RANBP2: variants seen among roughly 807,000 people sequenced by gnomAD.
RANBP2 encodes E3 SUMO-protein ligase RanBP2.
RANBP2 carries 57 observed loss-of-function variants against 303.6 expected under a neutral mutation model. The ratio of observed to expected loss-of-function variants is 0.19; its 90% CI spans 0.15 to 0.23. RANBP2 has a LOEUF of 0.23. RANBP2 is among the 10% of genes least tolerant of loss of function. The pLI is 1.00. For missense variants in RANBP2, 3,138 were observed against 3,780.8 expected, an observed-to-expected ratio of 0.83 and a Z score of 4.46; for synonymous variants, 1,167 against 1,301.5, an observed-to-expected ratio of 0.90 and a Z score of 2.23.
chr2:109,073,764 A>G, the RANBP2 span, among the ~76,000 whole-genome samples: 1 of 150,814 alleles, frequency 6.6e-6, no homozygotes, highest in African/African-American at 2.4e-5. Flanking sequence ...GCAGATCTAC[A>G]TATGCATTAT....
At chr2:109,609,615 CAAAAA>C in the RANBP2 span, among the ~76,000 whole-genome samples, 1 of 97,968 alleles carries the variant, frequency 1.0e-5, no homozygotes, top group African/African-American at 3.9e-5. Context: ...GACTCCGCCT[CAAAAA>C]AAAAAAAAAA....
chr2:109,500,652 T>C, the RANBP2 span, among the ~76,000 whole-genome samples: 1 of 152,130 alleles, frequency 6.6e-6, no homozygotes, highest in Non-Finnish European at 1.5e-5. Context: ...TGGAGCACAT[T>C]TAAAAATAAG....
At chr2:108,938,291 A>G in the RANBP2 span, among the ~76,000 whole-genome samples, 2 of 152,244 alleles carry the variant, frequency 1.3e-5, no homozygotes, top group African/African-American at 4.8e-5. Context: ...GCCTAAAAAC[A>G]TTTCTGAACA....
chr2:108,760,214 C>G (rs1558914551), intron 18 of RANBP2, among the ~76,000 whole-genome samples: 1 of 152,178 alleles, frequency 6.6e-6, no homozygotes, highest in Non-Finnish European at 1.5e-5. Context: ...AAACTAAAAG[C>G]TAACCACCTT....
chr2:109,499,344 G>A, the RANBP2 span, among the ~76,000 whole-genome samples: 2 of 152,228 alleles, frequency 1.3e-5, no homozygotes, highest in South Asian at 4.1e-4. Context: ...CGTCAGCCAG[G>A]GGTTTTTAGG....
At chr2:109,728,034 C>T in the RANBP2 span, among the ~76,000 whole-genome samples, 1 of 152,150 alleles carries the variant, frequency 6.6e-6, no homozygotes, top group Non-Finnish European at 1.5e-5. Context: ...CAAGGCCAAG[C>T]CATGAACCTA....
chr2:109,449,084 C>T, the RANBP2 span: 1 of 1,463,510 alleles, frequency 6.8e-7, no homozygotes, highest in Non-Finnish European at 9.2e-7. Flanking sequence ...GAGAAGGGAG[C>T]CTGAGTGTGC....
the RANBP2 span, chr2:108,931,068 T>C: frequency 6.3e-7 from 1 of 1,583,772 alleles, no homozygotes; most frequent in Non-Finnish European, 8.7e-7. Context: ...GCACTGGCGG[T>C]AGCACCCCAG....
the RANBP2 span, chr2:108,931,073 C>T: frequency 1.3e-6 from 2 of 1,566,010 alleles, no homozygotes; most frequent in South Asian, 2.2e-5. Flanking sequence ...GGCGGTAGCA[C>T]CCCAGCCGGG....
the RANBP2 span, chr2:109,398,948 C>T: frequency 6.2e-7 from 1 of 1,607,534 alleles, no homozygotes; most frequent in Non-Finnish European, 8.5e-7. Flanking sequence ...ACCCAGGTAA[C>T]ATCCCGCGGG....
chr2:109,374,877 T>C, the RANBP2 span, among the ~76,000 whole-genome samples: 6 of 152,302 alleles, frequency 3.9e-5, no homozygotes, highest in East Asian at 1.2e-3. Flanking sequence ...GCCATGATGC[T>C]AAGCCCACGG....
the RANBP2 span, among the ~76,000 whole-genome samples, chr2:109,582,046 G>A: frequency 0.46 from 68,760 of 150,862 alleles, 16,085 homozygotes; most frequent in African/African-American, 0.56. Flanking sequence ...GCTGAGAGCC[G>A]TATCAAGAAC....
rs1676899337 is a variant in RANBP2, at chr2:108,763,610, A to G, written c.3071A>G (p.His1024Arg). Residue 1024 changes from histidine to arginine, a missense_variant, in exon 20 of 29, where the codon CAC becomes CGC. By Grantham distance (29) the His-to-Arg change is conservative (BLOSUM62 0). This residue lies in a region of RANBP2 where 403 missense variants were observed against 376.7 expected (regional missense o/e 1.07). Coordinates refer to ENST00000283195, the MANE Select transcript of RANBP2 (RefSeq NM_006267.5). ...AGGCCATCTTTGCCAACACAAGCAC[A>G]CACAACACAGCCAACTCCTTTTAAA... The part of the protein sequence containing the change: ...GLRPSLPTQA[H>R]TTQPTPFKFN... 1.2e-6 allele frequency: 2 copies of G among 1,614,130 alleles called. No individual in the cohort carries two copies. The highest frequency in any genetic ancestry group is 1.7e-6 in the Non-Finnish European group (2 of 1,180,002).
chr2:109,598,099 G>GT, the RANBP2 span, among the ~76,000 whole-genome samples: 4 of 152,050 alleles, frequency 2.6e-5, no homozygotes, highest in South Asian at 8.3e-4. Context: ...TCTTGCTCTC[G>GT]TTGCCCAGGC....
chr2:109,301,132 T>G, the RANBP2 span, among the ~76,000 whole-genome samples: 1 of 152,308 alleles, frequency 6.6e-6, no homozygotes, highest in Admixed American at 6.5e-5. Context: ...GAAGGCCAGC[T>G]CACTAGCTGC....
At chr2:109,278,744 G>T in the RANBP2 span, among the ~76,000 whole-genome samples, 7 of 152,166 alleles carry the variant, frequency 4.6e-5, no homozygotes. Context: ...AGTCCCTAGG[G>T]ATGCAAGCCC....
In RANBP2 at chr2:108,772,288, G is replaced by T. The variant is rs142608049; in HGVS notation, c.8021-201G>T. Among the ~76,000 whole-genome samples, 233 of 152,198 alleles carry T rather than the reference G, an allele frequency of 1.5e-3. 2 individuals carry two copies. Among genetic ancestry groups the T allele is most frequent in the African/African-American group, 5.5e-3 (227 of 41,536 alleles). ...TATTGGGTTATGGGACAAGGAGATC[G>T]GAAGATGAACTAAAATGAGAGCAGC... On this transcript the variant is annotated intron_variant, in intron 21 of 28. Coordinates refer to ENST00000283195, the MANE Select transcript of RANBP2 (RefSeq NM_006267.5).
At chr2:109,116,508 T>A in the RANBP2 span, among the ~76,000 whole-genome samples, 1 of 152,234 alleles carries the variant, frequency 6.6e-6, no homozygotes, top group African/African-American at 2.4e-5. Flanking sequence ...TTCTCTGTAT[T>A]GGTTATTCTA....
chr2:109,074,824 C>A, the RANBP2 span, among the ~76,000 whole-genome samples: 5 of 148,970 alleles, frequency 3.4e-5, no homozygotes, highest in East Asian at 9.7e-4. Context: ...AGTTCAAGAC[C>A]AGCCTGGCCA....
Sources: gnomAD v4.1 joint callset for allele counts (sites outside exome capture counted in the v4.1 genomes callset) on GRCh38, gnomAD v4.1.1 for gene constraint, gnomAD v4.1.1 regional missense constraint, MANE v1.5 for transcripts, NCBI Gene and HGNC (gene_info 2026-07-23, HGNC 2026-07-21) for gene names.